RASAL1: variants seen among roughly 807,000 people sequenced by gnomAD.
RASAL1 encodes rasGAP-activating-like protein 1.
Under a neutral mutation model 96.6 loss-of-function variants are expected in RASAL1, and 72 were observed. That is an observed-to-expected ratio of 0.75 (90% CI 0.62 to 0.91). The LOEUF (loss-of-function observed/expected upper bound fraction) is 0.91, where lower values mean the gene tolerates loss of function less well. Among genes scored for constraint, RASAL1 ranks in the 40% least tolerant of loss-of-function variants. RASAL1 has a pLI of 0.00. For missense variants in RASAL1, 1,016 were observed against 1,072.5 expected (o/e 0.95, Z 0.74); for synonymous variants, 405 against 430.4 (o/e 0.94, Z 0.73).
Position 113,115,106 on chromosome 12 carries a change from G to A in RASAL1, c.1068+94C>T, listed in dbSNP as rs530277893. The A allele has an allele frequency of 8.0e-6, 11 of 1,377,738 alleles. No individual in the cohort carries two copies. The highest frequency in any genetic ancestry group is 4.5e-4 in the Middle Eastern group (2 of 4,424). 85.3% of individuals were successfully genotyped at this position (1,377,738 alleles called of 1,614,324 possible). On this transcript the variant is annotated intron_variant, in intron 11 of 20. Coordinates refer to ENST00000548055, the MANE Select transcript of RASAL1 (RefSeq NM_001301202.2). This position sits in a 1 kb window ranked among gnomAD's most constrained non-coding sequence, Gnocchi z 4.1. ...CACTGCAGCTCGGCTGCTCAGTGCT[G>A]TCTGAAGCCAGCTAAGTGAGGGAGC...
At chr12:113,103,664 G>A (rs1950540845) in intron 18 of RASAL1, 5 of 525,822 alleles carry the variant, frequency 9.5e-6, no homozygotes, top group Non-Finnish European at 1.7e-5. Flanking sequence ...AGCTCATGAT[G>A]TTTGAGTACC....
intron 12 of RASAL1, among the ~76,000 whole-genome samples, chr12:113,114,048 C>T (rs1592917452): frequency 1.3e-5 from 2 of 152,178 alleles, no homozygotes; most frequent in African/African-American, 2.4e-5. Flanking sequence ...ACTCAGTTAA[C>T]GGAGCAGAGG....
At chr12:113,134,902 G>T (rs1050630535) in intron 1 of RASAL1, among the ~76,000 whole-genome samples, 1 of 149,472 alleles carries the variant, frequency 6.7e-6, no homozygotes, top group East Asian at 2.0e-4. Context: ...GGGCCACCTG[G>T]TGACACTCTG....
In RASAL1 at chr12:113,119,112, A is replaced by G. The variant is rs771443005; in HGVS notation, c.642+16T>C. On this transcript the variant is annotated intron_variant, in intron 7 of 20. Coordinates refer to ENST00000548055, the MANE Select transcript of RASAL1 (RefSeq NM_001301202.2). ...ACTGGGGAGCCATGGAGGGTATTGT[A>G]GGGAATGAGGCTCACCATGCCCAAG... is the stretch of plus-strand genomic sequence containing the variant. 1.0e-5 allele frequency: 16 copies of G among 1,589,492 alleles called. 1 individual carries two copies. In the South Asian group the frequency reaches 1.7e-4, roughly 17 times the overall value.
rs369348565 is a variant in RASAL1, at chr12:113,119,243, C to T, written c.527G>A (p.Arg176His). 80 of 1,613,296 alleles carry T rather than the reference C, an allele frequency of 5.0e-5. No homozygotes were observed. Among genetic ancestry groups the T allele is most frequent in the African/African-American group, 1.1e-4 (8 of 74,912 alleles). The stretch of plus-strand genomic sequence containing the variant: ...CAGCACTTCATCCCAGTGCGGGAAG[C>T]GAGTCTTCTTGATGGTCTGAGGGCG... ...SLETSTIKKTRFPHWDEVLEL... is the reference protein window; with the variant it reads ...SLETSTIKKTHFPHWDEVLEL... The change falls in exon 7 of 21, where the codon CGC (arginine) becomes CAC (histidine). Residue 176 changes from arginine to histidine, a missense_variant. Physicochemically the swap from Arg to His is conservative, Grantham distance 29. Transcript: ENST00000548055.
rs773830752 is a variant in RASAL1 at position 113,104,203 on chromosome 12, C to T, written c.1926G>A (p.Gln642=). The T allele has an allele frequency of 2.5e-6, 4 of 1,611,716 alleles. No individual in the cohort carries two copies. The highest frequency in any genetic ancestry group is 2.7e-5 in the African/African-American group (2 of 74,960). ...QLPHVMQVVT[Q]DGTGALHTTY... The stretch of plus-strand genomic sequence containing the variant: ...TGGTGTGCAGCGCCCCCGTGCCGTC[C>T]TGCGTCACCACCTGCATCACGTGGG... Residue 642 remains glutamine, a synonymous_variant, in exon 17 of 21, where the codon CAG becomes CAA. Transcript: ENST00000548055.
intron 4 of RASAL1, among the ~76,000 whole-genome samples, chr12:113,127,486 A>G (rs968249017): frequency 3.3e-5 from 5 of 152,022 alleles, no homozygotes; most frequent in African/African-American, 9.7e-5. Context: ...TATCTATAAG[A>G]TATTTCTGAA....
rs2136288298 is a variant in RASAL1, at chr12:113,135,219, C to T, written c.65+179G>A. Among the ~76,000 whole-genome samples, 1 of 152,280 alleles carries T rather than the reference C, an allele frequency of 6.6e-6. No homozygotes were observed. Among genetic ancestry groups the T allele is most frequent in the Non-Finnish European group, 1.5e-5 (1 of 67,998 alleles). ...GCTAACTCTAGGCGCCCCCCTCCCA[C>T]CGGGACAGCCATGGGCATGCGGCCT... On this transcript the variant is annotated intron_variant, in intron 1 of 20. Coordinates refer to ENST00000548055, the MANE Select transcript of RASAL1 (RefSeq NM_001301202.2). This position sits in a 1 kb window ranked among gnomAD's most constrained non-coding sequence, Gnocchi z 5.7.
At chr12:113,132,096 T>A (rs932183130) in intron 1 of RASAL1, among the ~76,000 whole-genome samples, 2 of 151,336 alleles carry the variant, frequency 1.3e-5, no homozygotes, top group African/African-American at 4.9e-5. Context: ...CTCAGCCTCC[T>A]GAGTAGCTGG....
chr12:113,112,161 G>A lies in RASAL1; in HGVS notation c.1299C>T (p.Cys433=). 8.0e-7 allele frequency: 1 copy of A among 1,253,860 alleles called. No individual in the cohort carries two copies. Among genetic ancestry groups the A allele is most frequent in the Admixed American group, 4.2e-5 (1 of 23,928 alleles). 77.7% of individuals were successfully genotyped at this position (1,253,860 alleles called of 1,614,324 possible). Residue 433 remains cysteine (C), a synonymous_variant, in exon 13 of 21, where the codon TGC becomes TGT. Coordinates refer to ENST00000548055, the MANE Select transcript of RASAL1 (RefSeq NM_001301202.2). The part of the protein sequence containing the change: ...VDAIVGSVGR[C]PPAMRLAFKQ... ...TGAAGGCGAGGCGCATGGCGGGCGG[G>A]CAGCGCCCCACGGAGCCCACGATGG...
Position 113,115,022 on chromosome 12 carries a change from G to T in RASAL1, c.1069-110C>A. 2 of 1,099,868 alleles carry T rather than the reference G, an allele frequency of 1.8e-6. No homozygotes were observed. The highest frequency in any genetic ancestry group is 1.5e-5 in the African/African-American group (1 of 64,980). The allele number at this position is 1,099,868 out of a possible 1,614,324, so 68.1% of individuals were successfully genotyped here. On this transcript the variant is annotated intron_variant, in intron 11 of 20. Transcript: ENST00000548055. This position sits in a 1 kb window ranked among gnomAD's most constrained non-coding sequence, Gnocchi z 4.1. ...GGAAGAGGTTCAGAGAGAGGCCAGG[G>T]CTGGGGTAGGGGACACATCCAGGTG...
At chr12:113,110,586 TG>T (rs1950830968) in intron 13 of RASAL1, among the ~76,000 whole-genome samples, 3 of 152,170 alleles carry the variant, frequency 2.0e-5, no homozygotes, top group Admixed American at 2.0e-4. Context: ...AGTGTTTTTG[TG>T]TGTTTGGTTT....
Position 113,115,704 on chromosome 12 carries a change from G to A in RASAL1, c.934C>T (p.Leu312Phe). Residue 312 changes from leucine (L) to phenylalanine (F), a missense_variant, in exon 10 of 21, where the codon CTC becomes TTC. Physicochemically the swap from Leu to Phe is conservative, Grantham distance 22 (BLOSUM62 0). Transcript: ENST00000548055. This position sits in a 1 kb window ranked among gnomAD's most constrained non-coding sequence, Gnocchi z 4.1. ...CCAGCCAGTCCCCGGCCAAGAAAGA[G>A]TTTCACCAGCTTGGTGGCAAGGTCC... ...RQDLATKLVK[L>F]FLGRGLAGRF... 1.5e-5 allele frequency: 24 copies of A among 1,614,110 alleles called. No homozygotes were observed. Among genetic ancestry groups the A allele is most frequent in the Non-Finnish European group, 2.0e-5 (24 of 1,180,010 alleles).
intron 15 of RASAL1, among the ~76,000 whole-genome samples, 200 bp from the exon 16 acceptor site, chr12:113,106,086 C>T (rs1346337084): frequency 1.3e-5 from 2 of 152,168 alleles, no homozygotes; most frequent in African/African-American, 2.4e-5. Flanking sequence ...AGGGGGAGGG[C>T]AGAGTAGCCC....
At chr12:113,133,016 C>T (rs1159203774) in intron 1 of RASAL1, among the ~76,000 whole-genome samples, 2 of 152,168 alleles carry the variant, frequency 1.3e-5, no homozygotes, top group Non-Finnish European at 2.9e-5. Context: ...CCTAAGCTTC[C>T]TTTATGCAGG....
At position 113,107,153 on chromosome 12, in the gene RASAL1, C is replaced by T. The variant is rs1425164336; in HGVS notation, c.1601G>A (p.Cys534Tyr). 3 of 1,613,912 alleles carry T rather than the reference C, an allele frequency of 1.9e-6. No individual in the cohort carries two copies. The highest frequency in any genetic ancestry group is 1.7e-6 in the Non-Finnish European group (2 of 1,179,854). ...CAGGAAGTCTCTCACACGTGAGACA[C>T]ACTGCAGCAGGAAGGGGTGCAGGGG... is the stretch of plus-strand genomic sequence containing the variant. ...MAPLHPFLLQ[C>Y]VSRVRDFLDR... Residue 534 changes from cysteine to tyrosine, a missense_variant, in exon 15 of 21, where the codon TGT (cysteine) becomes TAT (tyrosine). Physicochemically the swap from Cys to Tyr is radical, Grantham distance 194. Coordinates refer to ENST00000548055, the MANE Select transcript of RASAL1 (RefSeq NM_001301202.2).
intron 12 of RASAL1, among the ~76,000 whole-genome samples, chr12:113,114,065 G>C (rs1950969616): frequency 6.6e-6 from 1 of 152,208 alleles, no homozygotes; most frequent in Admixed American, 6.5e-5. Context: ...GAGGTCATGA[G>C]CCCCACGTTT....
Position 113,128,075 on chromosome 12 carries a change from C to A in RASAL1, c.226G>T (p.Asp76Tyr), listed in dbSNP as rs745498739. The A allele has an allele frequency of 1.6e-5, 26 of 1,613,814 alleles. No individual in the cohort carries two copies. Among genetic ancestry groups the A allele is most frequent in the Non-Finnish European group, 2.1e-5 (25 of 1,179,948 alleles). Residue 76 changes from aspartate (D) to tyrosine (Y), a missense_variant, in exon 3 of 21, where the codon GAC becomes TAC. Physicochemically the swap from Asp to Tyr is radical, Grantham distance 160 (BLOSUM62 -3). Transcript: ENST00000548055. Reference sequence around the variant, plus strand: ...TCCCCAACCACAAACCCGACAGTGTCCTCATCCAGCACGTAGAAGGCCAGC... The same window carrying A: ...TCCCCAACCACAAACCCGACAGTGTACTCATCCAGCACGTAGAAGGCCAGC... ...HQLAFYVLDE[D>Y]TVGHDDIIGK...
intron 13 of RASAL1, among the ~76,000 whole-genome samples, chr12:113,108,837 C>CTTTT (rs56395319): frequency 8.2e-6 from 1 of 121,596 alleles, no homozygotes; most frequent in Non-Finnish European, 1.7e-5. Context: ...TTTTTTCTTT[C>CTTTT]TTTTTTTTTT....
Sources: allele counts gnomAD v4.1 joint callset (sites outside exome capture counted in the v4.1 genomes callset), GRCh38; gene constraint gnomAD v4.1.1; non-coding constraint Gnocchi (gnomAD v3.1); transcripts MANE v1.5; gene names NCBI Gene and HGNC (gene_info 2026-07-23, HGNC 2026-07-21).